RPL34: variants seen among roughly 807,000 people sequenced by gnomAD.
RPL34 encodes the protein ribosomal protein L34.
A neutral mutation model predicts 16.3 loss-of-function variants in RPL34; 2 were observed. That is an observed-to-expected ratio of 0.12 (90% CI 0.05 to 0.39). The LOEUF (loss-of-function observed/expected upper bound fraction) is 0.39, where lower values mean the gene tolerates loss of function less well. Among genes scored for constraint, RPL34 ranks in the 10% least tolerant of loss-of-function variants. The pLI is 0.99. For synonymous variants in RPL34, 47 were observed against 48.5 expected, an observed-to-expected ratio of 0.97 and a Z score of 0.13; for missense variants, 82 against 148.8, an observed-to-expected ratio of 0.55 and a Z score of 2.33.
At chr4:108,627,893 A>C (rs967548711), downstream of RPL34, among the ~76,000 whole-genome samples, 2 of 151,976 alleles carry the variant, frequency 1.3e-5, no homozygotes, top group African/African-American at 2.4e-5. Context: ...ACCACAGTAC[A>C]CTTGATTGGC....
chr4:108,625,429 A>G (rs1360383398), downstream of RPL34: 8 of 440,692 alleles, frequency 1.8e-5, no homozygotes, highest in African/African-American at 1.4e-4. Context: ...CTTGTTGCCT[A>G]GGCTGGAGTA....
At chr4:108,628,153 T>G (rs1392389182), downstream of RPL34, among the ~76,000 whole-genome samples, 2 of 152,202 alleles carry the variant, frequency 1.3e-5, no homozygotes, top group African/African-American at 4.8e-5. Flanking sequence ...TGAGATACAT[T>G]AGCTTTCTCC....
chr4:108,624,333 G>T (rs181610467), intron 4 of RPL34, among the ~76,000 whole-genome samples: 3 of 152,192 alleles, frequency 2.0e-5, no homozygotes, highest in Non-Finnish European at 4.4e-5. Flanking sequence ...AGAAAACCCA[G>T]AGTTTTGAGG....
chr4:108,623,996 T>C (rs1179176536), intron 4 of RPL34, among the ~76,000 whole-genome samples: 1 of 152,150 alleles, frequency 6.6e-6, no homozygotes, highest in African/African-American at 2.4e-5. Context: ...TCTGGCACAT[T>C]GTGGGTGAGA....
downstream of RPL34, among the ~76,000 whole-genome samples, chr4:108,629,847 A>AATTTTGAT (rs1251085216): frequency 6.6e-6 from 1 of 152,236 alleles, no homozygotes; most frequent in African/African-American, 2.4e-5. Context: ...GGGCTTCCAG[A>AATTTTGAT]ATTTTGATAG....
In RPL34 at chr4:108,625,210, TAA is replaced by T; in HGVS notation, c.*4_*5del. ...KAQAQSQKAK[*>X] ...ACAAGCACAGAGTCAGAAAGCTAAATAAAAAAATGAAACTTTTTTGAGTAATA... is the reference window on the plus strand; with the variant it reads ...ACAAGCACAGAGTCAGAAAGCTAAATAAAAATGAAACTTTTTTGAGTAATA... On this transcript the variant is annotated frameshift_variant and stop_lost, in exon 5 of 5. Transcript: ENST00000394667. LOFTEE classifies it high-confidence loss of function. The T allele has an allele frequency of 2.5e-6, 4 of 1,595,098 alleles. No individual in the cohort carries two copies. The highest frequency in any genetic ancestry group is 3.4e-6 in the Non-Finnish European group (4 of 1,168,650).
At chr4:108,626,928 G>A (rs139856418), downstream of RPL34, among the ~76,000 whole-genome samples, 215 of 152,190 alleles carry the variant, frequency 1.4e-3, no homozygotes, top group African/African-American at 4.7e-3. Flanking sequence ...GAGAGTTACC[G>A]CTTAGCTATA....
chr4:108,628,396 T>C (rs1399656300), downstream of RPL34, among the ~76,000 whole-genome samples: 5 of 152,188 alleles, frequency 3.3e-5, no homozygotes, highest in African/African-American at 1.2e-4. Flanking sequence ...ATTGGCACTT[T>C]TAATAATATA....
At chr4:108,623,883 CT>C (rs2110365166) in intron 4 of RPL34, among the ~76,000 whole-genome samples, 1 of 152,292 alleles carries the variant, frequency 6.6e-6, no homozygotes, top group East Asian at 1.9e-4. Context: ...GGAGAAATTA[CT>C]TGCAAATAAC....
At chr4:108,626,330 A>G (rs1195983345), downstream of RPL34, among the ~76,000 whole-genome samples, 1 of 151,034 alleles carries the variant, frequency 6.6e-6, no homozygotes, top group Non-Finnish European at 1.5e-5. Context: ...CAGTTTCACC[A>G]TGTTCCTAGG....
downstream of RPL34, among the ~76,000 whole-genome samples, chr4:108,628,806 C>T (rs184428714): frequency 2.2e-3 from 330 of 152,230 alleles, 1 homozygote; most frequent in South Asian, 6.0e-3. Flanking sequence ...TAAAAAATCT[C>T]AATTTCACTA....
At chr4:108,621,637 T>A (rs1415244002) in intron 1 of RPL34, 2 of 297,792 alleles carry the variant, frequency 6.7e-6, no homozygotes, top group African/African-American at 4.3e-5. Flanking sequence ...AAAGCGGTGT[T>A]TCTCCAACTG....
chr4:108,630,169 C>G (rs1392085441), downstream of RPL34: 2 of 152,050 alleles, frequency 1.3e-5, no homozygotes, highest in Non-Finnish European at 2.9e-5. Context: ...TCAGCAAATG[C>G]TGCAAAATCC....
downstream of RPL34, among the ~76,000 whole-genome samples, chr4:108,626,224 T>G (rs1327081613): frequency 6.6e-6 from 1 of 152,106 alleles, no homozygotes; most frequent in Non-Finnish European, 1.5e-5. Flanking sequence ...AACCTCCACC[T>G]CCTGGACTCA....
intron 1 of RPL34, chr4:108,621,436 T>A (rs1405170149): frequency 1.2e-5 from 2 of 160,224 alleles, no homozygotes; most frequent in African/African-American, 4.8e-5. Context: ...GGCAAGACAT[T>A]GAACCCTGAT....
downstream of RPL34, among the ~76,000 whole-genome samples, chr4:108,629,233 C>T (rs180899319): frequency 1.4e-3 from 214 of 152,238 alleles, no homozygotes; most frequent in African/African-American, 4.7e-3. Context: ...CTTTTAACTC[C>T]TTTTTTTCTC....
chr4:108,623,502 C>T (rs779212384), intron 4 of RPL34, among the ~76,000 whole-genome samples: 2 of 152,098 alleles, frequency 1.3e-5, no homozygotes, highest in African/African-American at 2.4e-5. Flanking sequence ...CTCCGCCTCC[C>T]GGGTTCAAGC....
At chr4:108,629,582 T>C (rs892983764), downstream of RPL34, among the ~76,000 whole-genome samples, 2 of 152,238 alleles carry the variant, frequency 1.3e-5, no homozygotes, top group African/African-American at 2.4e-5. Context: ...GAAGCTCTTA[T>C]TGAATCCAGT....
chr4:108,627,870 AAATT>A (rs1461889852), downstream of RPL34, among the ~76,000 whole-genome samples: 6 of 151,602 alleles, frequency 4.0e-5, no homozygotes, highest in African/African-American at 1.2e-4. Context: ...AAAAAAAAAA[AAATT>A]TAATTTTAAC....
Sources: allele counts gnomAD v4.1 joint callset (sites outside exome capture counted in the v4.1 genomes callset), GRCh38; gene constraint gnomAD v4.1.1; transcripts MANE v1.5; gene names NCBI Gene and HGNC (gene_info 2026-07-23, HGNC 2026-07-21).